The following ARFGEF3 variants were observed in gnomAD, a reference collection of about 807,000 sequenced individuals.
ARFGEF3 encodes brefeldin A-inhibited guanine nucleotide-exchange protein 3.
ARFGEF3 carries 96 observed loss-of-function variants against 221.7 expected under a neutral mutation model. That is an observed-to-expected ratio of 0.43 (90% confidence interval 0.37 to 0.51). The LOEUF is 0.51. ARFGEF3 is among the 20% of genes least tolerant of loss of function. The pLI is 0.00. For missense variants in ARFGEF3, 2,410 were observed against 2,789.9 expected (o/e 0.86, Z 3.07); for synonymous variants, 1,145 against 1,126.8 (o/e 1.02, Z -0.32).
At chr6:138,222,855 T>G (rs74806854) in intron 4 of ARFGEF3, among the ~76,000 whole-genome samples, 1 of 152,186 alleles carries the variant, frequency 6.6e-6, no homozygotes, top group African/African-American at 2.4e-5. Flanking sequence ...TATAGTTTTT[T>G]ATCCCTCATC....
chr6:138,215,994 G>GT lies in ARFGEF3; in HGVS notation c.351+5954dup, dbSNP rs550806084. ...TTGTTGTTGTTGTTTTTTTTTTTGG[G>GT]TGGGGGGGAGTTTTACTCCTGTTGC... On this transcript the variant is annotated intron_variant, in intron 4 of 33. Coordinates refer to ENST00000251691, the MANE Select transcript of ARFGEF3 (RefSeq NM_020340.5). 537 of 150,456 alleles carry GT rather than the reference G, an allele frequency of 3.6e-3. 2 individuals are homozygous for GT. Among genetic ancestry groups the GT allele is most frequent in the Middle Eastern group, 0.01 (3 of 292 alleles). The allele number at this position is 150,456 out of a possible 1,614,324, so 9.3% of individuals were successfully genotyped here. A position where few individuals can be genotyped will look rare whatever the true frequency, so the allele number is the denominator to read the frequency against.
chr6:138,316,104 C>T (rs777358295), intron 26 of ARFGEF3, among the ~76,000 whole-genome samples: 20 of 152,056 alleles, frequency 1.3e-4, no homozygotes, highest in Admixed American at 2.0e-4. Context: ...GGGTATGTAA[C>T]GTCGAGCATT....
At chr6:138,310,554 T>G (rs1779807818) in intron 24 of ARFGEF3, among the ~76,000 whole-genome samples, 2 of 151,880 alleles carry the variant, frequency 1.3e-5, no homozygotes, top group Non-Finnish European at 1.5e-5. Context: ...AAATGTTTTT[T>G]GTTTTTTTTA....
At chr6:138,276,670 T>A (rs1164541117) in intron 12 of ARFGEF3, among the ~76,000 whole-genome samples, 1 of 152,100 alleles carries the variant, frequency 6.6e-6, no homozygotes, top group Non-Finnish European at 1.5e-5. Flanking sequence ...TTGTTTTTCG[T>A]TTTTTTGTTT....
At chr6:138,192,232 T>C (rs1562348017) in intron 2 of ARFGEF3, among the ~76,000 whole-genome samples, 1 of 152,174 alleles carries the variant, frequency 6.6e-6, no homozygotes, top group Admixed American at 6.5e-5. Flanking sequence ...TTCACGCCTG[T>C]AATCCTAGCA....
At chr6:138,276,238 A>C (rs775781499) in intron 12 of ARFGEF3, among the ~76,000 whole-genome samples, 1 of 152,212 alleles carries the variant, frequency 6.6e-6, no homozygotes, top group Non-Finnish European at 1.5e-5. Flanking sequence ...ACCAGGCTCC[A>C]GATAGTCAGG....
Position 138,239,755 on chromosome 6 carries a change from G to A in ARFGEF3, c.543+1124G>A, listed in dbSNP as rs116395854. Among the ~76,000 whole-genome samples the A allele has an allele frequency of 2.6e-3, 398 of 151,124 alleles. 2 individuals carry two copies. Among genetic ancestry groups the A allele is most frequent in the African/African-American group, 9.2e-3 (381 of 41,238 alleles). ...ATTTCTTATTTAACCTCAACTATTT[G>A]TAATTATTTTTAATTTCAATTATTT... On this transcript the variant is annotated intron_variant, in intron 6 of 33. Coordinates refer to ENST00000251691, the MANE Select transcript of ARFGEF3 (RefSeq NM_020340.5).
At chr6:138,273,899 T>C (rs1779048298) in intron 12 of ARFGEF3, among the ~76,000 whole-genome samples, 1 of 152,238 alleles carries the variant, frequency 6.6e-6, no homozygotes. Flanking sequence ...AAAATAGACC[T>C]TATTTTGTTT....
At chr6:138,234,191 T>C (rs904575917) in intron 5 of ARFGEF3, among the ~76,000 whole-genome samples, 4 of 152,172 alleles carry the variant, frequency 2.6e-5, no homozygotes, top group South Asian at 2.1e-4. Flanking sequence ...TTTGGACTGG[T>C]TCTCAGCCAA....
Position 138,210,124 on chromosome 6 carries a change from C to T in ARFGEF3, c.351+83C>T, listed in dbSNP as rs1777698056. On this transcript the variant is annotated intron_variant, in intron 4 of 33. Transcript: ENST00000251691. ...CTGCACTTGTTATCTGAAAATGCCT[C>T]TGCGTTGTGGTCATGCTAGCTCATC... is the stretch of plus-strand genomic sequence containing the variant. 2.1e-6 allele frequency: 3 copies of T among 1,424,738 alleles called. No homozygotes were observed. The African/African-American group carries it at 4.2e-5, about 20-fold the overall frequency. 88.3% of individuals were successfully genotyped at this position (1,424,738 alleles called of 1,614,324 possible).
intron 19 of ARFGEF3, 82 bp downstream of exon 19, chr6:138,292,135 G>C: frequency 8.3e-7 from 1 of 1,209,388 alleles, no homozygotes; most frequent in Non-Finnish European, 1.1e-6. Context: ...TCATGCCAGG[G>C]ACGACCCATT....
chr6:138,218,605 G>C (rs984015425), intron 4 of ARFGEF3: 8 of 905,654 alleles, frequency 8.8e-6, no homozygotes, highest in Non-Finnish European at 1.1e-5. Flanking sequence ...TTCCAGAAGA[G>C]CTCTGTAATT....
chr6:138,242,994 G>C lies in ARFGEF3; in HGVS notation c.586G>C (p.Gly196Arg). The C allele has an allele frequency of 6.2e-7, 1 of 1,611,196 alleles. No individual in the cohort carries two copies. Among genetic ancestry groups the C allele is most frequent in the Non-Finnish European group, 8.5e-7 (1 of 1,177,952 alleles). The change falls in exon 7 of 34, where the codon GGG becomes CGG. Residue 196 changes from glycine to arginine, a missense_variant and splice_region_variant. Gly to Arg is a moderately radical substitution (Grantham distance 125). This residue lies in a region of ARFGEF3 where 570 missense variants were observed against 586.9 expected (regional missense o/e 0.97). Coordinates refer to ENST00000251691, the MANE Select transcript of ARFGEF3 (RefSeq NM_020340.5). ...PDVPQDFGNQ[G>R]STVESLCDDV... ...TGTCCCACAGGATTTCGGGAATCAA[G>C]GTATGGCATTTGATTTGTACTAGTT... is the stretch of plus-strand genomic sequence containing the variant.
At chr6:138,303,860 C>CAAAAAAA (rs140349507) in intron 22 of ARFGEF3, among the ~76,000 whole-genome samples, 24 of 20,600 alleles carry the variant, frequency 1.2e-3, no homozygotes, top group East Asian at 2.4e-3. Context: ...GACTCCGTCT[C>CAAAAAAA]AAAAAAAAAA....
chr6:138,164,511 C>T (rs912901409), intron 1 of ARFGEF3, among the ~76,000 whole-genome samples: 1 of 152,146 alleles, frequency 6.6e-6, no homozygotes, highest in Non-Finnish European at 1.5e-5. Context: ...CAGATCCTTG[C>T]CTTGATGACT....
intron 4 of ARFGEF3, among the ~76,000 whole-genome samples, chr6:138,229,223 G>T (rs1361097378): frequency 6.6e-6 from 1 of 152,206 alleles, no homozygotes; most frequent in Non-Finnish European, 1.5e-5. Flanking sequence ...AAATGACACT[G>T]ACATTTGAGT....
intron 2 of ARFGEF3, among the ~76,000 whole-genome samples, chr6:138,199,804 G>A (rs1368046459): frequency 1.3e-5 from 2 of 152,100 alleles, no homozygotes; most frequent in Admixed American, 6.6e-5. Flanking sequence ...CGAGGTAAAC[G>A]ATCATACCAT....
chr6:138,245,432 T>G (rs1245924736), intron 7 of ARFGEF3, 81 bp from the exon 8 acceptor site: 1 of 935,368 alleles, frequency 1.1e-6, no homozygotes, highest in Non-Finnish European at 1.7e-6. Context: ...CCATCTAAAG[T>G]GGAGGATGGG....
At chr6:138,246,691 G>A (rs1161129902) in intron 8 of ARFGEF3, among the ~76,000 whole-genome samples, 1 of 152,170 alleles carries the variant, frequency 6.6e-6, no homozygotes, top group Non-Finnish European at 1.5e-5. Context: ...CCAGGGTTGG[G>A]GTAGGGGAGA....
Sources: allele counts gnomAD v4.1 joint callset (sites outside exome capture counted in the v4.1 genomes callset), GRCh38; gene constraint gnomAD v4.1.1; regional missense constraint gnomAD v4.1.1; transcripts MANE v1.5; gene names NCBI Gene and HGNC (gene_info 2026-07-23, HGNC 2026-07-21).